PTPRB: variants seen among roughly 807,000 people sequenced by gnomAD.
PTPRB encodes the protein receptor-type tyrosine-protein phosphatase beta.
In PTPRB, 97 loss-of-function variants were observed where a neutral mutation model predicts 238.1. The ratio of observed to expected loss-of-function variants is 0.41; its 90% CI spans 0.35 to 0.48. The LOEUF is 0.48. Among genes scored for constraint, PTPRB ranks in the 20% least tolerant of loss-of-function variants. The probability of loss-of-function intolerance (pLI) is 0.30; values close to 1 mark genes in which losing one functional copy is unlikely to be tolerated. For synonymous variants in PTPRB, 970 were observed against 995.4 expected (o/e 0.97, Z 0.48); for missense variants, 2,292 against 2,681.9 (o/e 0.85, Z 3.21).
At chr12:70,576,186 A>G (rs1880666231) in intron 11 of PTPRB, among the ~76,000 whole-genome samples, 196 bp downstream of exon 11, 1 of 152,172 alleles carries the variant, frequency 6.6e-6, no homozygotes, top group Admixed American at 6.5e-5. Flanking sequence ...TCACTATTTG[A>G]ATATAATATA....
chr12:70,614,311 G>C (rs538934240), intron 3 of PTPRB, among the ~76,000 whole-genome samples: 19 of 152,170 alleles, frequency 1.2e-4, no homozygotes, highest in Middle Eastern at 3.4e-3. Context: ...TTACATTCAG[G>C]AGAGTTAATG....
chr12:70,618,643 G>A (rs1011754682), intron 3 of PTPRB, among the ~76,000 whole-genome samples: 1 of 152,200 alleles, frequency 6.6e-6, no homozygotes, highest in African/African-American at 2.4e-5. Context: ...TCTGGGACTA[G>A]GGTCCATACT....
Position 70,576,669 on chromosome 12 carries a change from CGGGGGG to C in PTPRB, c.2579-30_2579-25del, listed in dbSNP as rs869128610. On this transcript the variant is annotated intron_variant, in intron 10 of 33. Transcript: ENST00000334414. ...GACTGTGATTTTGAAAGGTGGGGGG[CGGGGGG>C]GGGGGGGAAGGGGGATTCAAAAAGA... is the stretch of plus-strand genomic sequence containing the variant. 6.2e-5 allele frequency: 7 copies of C among 112,726 alleles called. No individual in the cohort carries two copies. In the East Asian group the frequency reaches 1.9e-3, roughly 31 times the overall value. The allele number at this position is 112,726 out of a possible 1,614,324, so 7.0% of individuals were successfully genotyped here. A position where few individuals can be genotyped will look rare whatever the true frequency, so the allele number is the denominator to read the frequency against.
At position 70,516,930 on chromosome 12, in the gene PTPRB, A is replaced by G. The variant is rs1871239164; in HGVS notation, c.*4559T>C. 6.6e-6 allele frequency: 1 copy of G among 152,190 alleles called. No homozygotes were observed. The allele number at this position is 152,190 out of a possible 1,614,324, so 9.4% of individuals were successfully genotyped here. ...AATCTTTTAAAAAATAAAATGCCTT[A>G]TTTGTGTTGCATACATTTATTCCGA... On this transcript the variant is annotated 3_prime_UTR_variant, in exon 34 of 34. Transcript: ENST00000334414.
chr12:70,578,746 T>C (rs1881057008), intron 10 of PTPRB, among the ~76,000 whole-genome samples: 1 of 152,192 alleles, frequency 6.6e-6, no homozygotes, highest in Admixed American at 6.5e-5. Context: ...TCACAATAAG[T>C]TGGACAATCC....
chr12:70,526,870 G>C (rs777507981), intron 32 of PTPRB, among the ~76,000 whole-genome samples: 4 of 152,138 alleles, frequency 2.6e-5, no homozygotes, highest in Non-Finnish European at 5.9e-5. Flanking sequence ...CTTTAACAAT[G>C]ATTCACCGTG....
intron 4 of PTPRB, among the ~76,000 whole-genome samples, chr12:70,607,940 G>A (rs867373826): frequency 1.3e-5 from 2 of 151,928 alleles, no homozygotes; most frequent in South Asian, 2.1e-4. Flanking sequence ...TTCATCTGAA[G>A]TAAGTTAAGT....
chr12:70,622,638 C>A lies in PTPRB; in HGVS notation c.460G>T (p.Gly154Ter). The change falls in exon 3 of 34, where the codon GGA becomes TGA. Residue 154 changes from glycine to a stop codon, truncating the protein, a stop_gained. Transcript: ENST00000334414. LOFTEE classifies it high-confidence loss of function. Reference protein sequence around the residue: ...ESLCLQKAGLGAEVSVRSTRN... With the variant: ...ESLCLQKAGL ...GTGCTCCTCACCGAAACTTCTGCTC[C>A]CAGGCCAGCTGAGGTAAAGAAAAGA... 6.4e-7 allele frequency: 1 copy of A among 1,566,140 alleles called. No homozygotes were observed. The highest frequency in any genetic ancestry group is 2.3e-5 in the East Asian group (1 of 42,748).
chr12:70,632,841 T>A (rs890070540), intron 2 of PTPRB, among the ~76,000 whole-genome samples: 3 of 152,156 alleles, frequency 2.0e-5, no homozygotes, highest in African/African-American at 7.2e-5. Context: ...ACTCTAGTAT[T>A]AGTTAAAAGC....
Position 70,538,145 on chromosome 12 carries a change from G to T in PTPRB, c.5946+10C>A. On this transcript the variant is annotated intron_variant, in intron 28 of 33. Coordinates refer to ENST00000334414, the MANE Select transcript of PTPRB (RefSeq NM_001109754.4). ...TCATCCTGAACACTATGGCCTAGTG[G>T]GTCACTTACAGGGATGTAGCTGGCA... The T allele has an allele frequency of 6.2e-7, 1 of 1,609,422 alleles. No homozygotes were observed. Among genetic ancestry groups the T allele is most frequent in the Non-Finnish European group, 8.5e-7 (1 of 1,176,984 alleles).
At chr12:70,568,131 T>G (rs1230211819) in intron 14 of PTPRB, among the ~76,000 whole-genome samples, 1 of 152,232 alleles carries the variant, frequency 6.6e-6, no homozygotes, top group Non-Finnish European at 1.5e-5. Flanking sequence ...TAAATATTAC[T>G]TCCTCCTGAA....
At chr12:70,582,789 A>G (rs552033108) in intron 9 of PTPRB, among the ~76,000 whole-genome samples, 6 of 152,270 alleles carry the variant, frequency 3.9e-5, no homozygotes, top group African/African-American at 1.4e-4. Context: ...TGAAAGAAAA[A>G]AACTGATAAA....
intron 16 of PTPRB, among the ~76,000 whole-genome samples, chr12:70,562,102 C>A (rs1336786267): frequency 6.6e-6 from 1 of 152,120 alleles, no homozygotes; most frequent in Non-Finnish European, 1.5e-5. Flanking sequence ...AGGCCCCCAT[C>A]TCTACAAAAA....
intron 21 of PTPRB, among the ~76,000 whole-genome samples, chr12:70,545,798 A>G (rs1016850414): frequency 2.0e-5 from 3 of 152,158 alleles, no homozygotes; most frequent in African/African-American, 7.2e-5. Flanking sequence ...ATGGCCTAAG[A>G]CTTGAGCTCA....
At chr12:70,623,953 G>A (rs1238855446) in intron 2 of PTPRB, among the ~76,000 whole-genome samples, 1 of 152,106 alleles carries the variant, frequency 6.6e-6, no homozygotes, top group African/African-American at 2.4e-5. Flanking sequence ...GGCACAAAAA[G>A]AAGATTAAGC....
chr12:70,575,998 C>G (rs763988133), intron 11 of PTPRB, among the ~76,000 whole-genome samples: 4 of 152,166 alleles, frequency 2.6e-5, no homozygotes, highest in Non-Finnish European at 4.4e-5. Context: ...GGCTGTTTAA[C>G]AAGGTAAACA....
chr12:70,592,592 C>G (rs374924149), intron 6 of PTPRB, 47 bp from the exon 7 acceptor site: 2 of 1,573,676 alleles, frequency 1.3e-6, no homozygotes, highest in Non-Finnish European at 1.7e-6. Context: ...GGATCTCTCA[C>G]AAGTCCTATG....
intron 15 of PTPRB, among the ~76,000 whole-genome samples, chr12:70,565,463 C>T (rs1219144090): frequency 2.6e-5 from 4 of 152,216 alleles, no homozygotes; most frequent in African/African-American, 9.6e-5. Context: ...AGAATTTCTT[C>T]ATCCTTCAAG....
At chr12:70,528,745 A>G (rs1872752253) in intron 32 of PTPRB, among the ~76,000 whole-genome samples, 1 of 152,226 alleles carries the variant, frequency 6.6e-6, no homozygotes, top group Non-Finnish European at 1.5e-5. Context: ...AGATTGCTTG[A>G]GCACAGAGTT....
Sources: allele counts gnomAD v4.1 joint callset (sites outside exome capture counted in the v4.1 genomes callset), GRCh38; gene constraint gnomAD v4.1.1; transcripts MANE v1.5; gene names NCBI Gene and HGNC (gene_info 2026-07-23, HGNC 2026-07-21).